The following HERC3 variants were observed in gnomAD, a reference collection of about 807,000 sequenced individuals.
HERC3 encodes HECT and RLD domain containing E3 ubiquitin protein ligase 3, also known as probable E3 ubiquitin-protein ligase HERC3.
In HERC3, 58 loss-of-function variants were observed where a neutral mutation model predicts 129.9. The ratio of observed to expected loss-of-function variants is 0.45; its 90% CI spans 0.36 to 0.56. The LOEUF (loss-of-function observed/expected upper bound fraction) is 0.56, where lower values mean the gene tolerates loss of function less well. Among genes scored for constraint, HERC3 ranks in the 20% least tolerant of loss-of-function variants. The pLI is 0.00. For missense variants in HERC3, 835 were observed against 1,244.2 expected (o/e 0.67, Z 4.95); for synonymous variants, 430 against 451.0 (o/e 0.95, Z 0.59).
chr4:88,570,120 T>A, the HERC3 span, among the ~76,000 whole-genome samples: 1 of 152,258 alleles, frequency 6.6e-6, no homozygotes, highest in Non-Finnish European at 1.5e-5. Flanking sequence ...GTTTCATTTT[T>A]CTTCAAGTCA....
intron 3 of HERC3, among the ~76,000 whole-genome samples, chr4:88,647,973 A>T (rs1258938021): frequency 2.0e-5 from 3 of 152,058 alleles, no homozygotes; most frequent in African/African-American, 7.2e-5. Context: ...TCACCACCAG[A>T]CACTCATCCT....
At chr4:88,605,520 G>A (rs1007453951) in intron 2 of HERC3, among the ~76,000 whole-genome samples, 5 of 152,172 alleles carry the variant, frequency 3.3e-5, no homozygotes, top group Non-Finnish European at 7.3e-5. Context: ...GTATCCTTTA[G>A]CAGTGATCTG....
the HERC3 span, among the ~76,000 whole-genome samples, chr4:88,536,455 A>G: frequency 6.6e-6 from 1 of 152,114 alleles, no homozygotes; most frequent in East Asian, 1.9e-4. Context: ...CTACCCCGAC[A>G]CATACTCACT....
intron 3 of HERC3, among the ~76,000 whole-genome samples, chr4:88,618,790 C>T (rs780200600): frequency 1.3e-5 from 2 of 152,206 alleles, no homozygotes; most frequent in African/African-American, 2.4e-5. Flanking sequence ...CTTACTGCCA[C>T]GCTTTTGTTA....
the HERC3 span, among the ~76,000 whole-genome samples, chr4:88,577,033 A>G: frequency 6.6e-6 from 1 of 152,054 alleles, no homozygotes; most frequent in African/African-American, 2.4e-5. Flanking sequence ...TCCTCTAAGG[A>G]GGAGGAGCTG....
the HERC3 span, among the ~76,000 whole-genome samples, chr4:88,531,702 T>C: frequency 6.6e-6 from 1 of 152,196 alleles, no homozygotes; most frequent in African/African-American, 2.4e-5. Flanking sequence ...TGAAATAGAC[T>C]CTGCCAGCTA....
intron 21 of HERC3, chr4:88,684,874 G>T (rs1385101116): frequency 2.0e-5 from 3 of 152,336 alleles, no homozygotes; most frequent in Non-Finnish European, 4.4e-5. Flanking sequence ...TCACGAATTT[G>T]CGTGTCATCC....
chr4:88,697,854 G>C (rs961426274), intron 23 of HERC3: 11 of 1,469,500 alleles, frequency 7.5e-6, no homozygotes, highest in Non-Finnish European at 1.0e-5. Context: ...TGGCGGTGAC[G>C]TGCGGCCGCG....
At chr4:88,581,743 C>T in the HERC3 span, among the ~76,000 whole-genome samples, 1 of 152,130 alleles carries the variant, frequency 6.6e-6, no homozygotes, top group Non-Finnish European at 1.5e-5. Context: ...TGAGCCACTG[C>T]CCCTGGCCTG....
chr4:88,685,448 G>A (rs778047168), intron 21 of HERC3, among the ~76,000 whole-genome samples: 32 of 152,262 alleles, frequency 2.1e-4, no homozygotes, highest in Non-Finnish European at 3.8e-4. Context: ...TCCTTTGCAG[G>A]GACATGGATG....
intron 9 of HERC3, chr4:88,656,519 G>A (rs1246790280): frequency 6.4e-6 from 1 of 156,742 alleles, no homozygotes; most frequent in African/African-American, 2.4e-5. Flanking sequence ...CAGAGCAAGA[G>A]CTCACTTATC....
chr4:88,611,861 A>G (rs1338484460), intron 3 of HERC3, among the ~76,000 whole-genome samples: 2 of 152,168 alleles, frequency 1.3e-5, no homozygotes, highest in Non-Finnish European at 2.9e-5. Flanking sequence ...AGGAGAATTT[A>G]TTTCATTGCC....
chr4:88,534,330 G>A, the HERC3 span, among the ~76,000 whole-genome samples: 1 of 152,214 alleles, frequency 6.6e-6, no homozygotes, highest in South Asian at 2.1e-4. Context: ...GGCCAGGGAT[G>A]CCACCAAGCA....
At chr4:88,593,421 G>A (rs6857847) in intron 1 of HERC3, 25,361 of 152,244 alleles carry the variant, frequency 0.17, 2,299 homozygotes, top group East Asian at 0.3. Context: ...CCTGAAACAG[G>A]TGAGCCTATG....
the HERC3 span, chr4:88,524,855 A>G: frequency 6.6e-6 from 1 of 151,454 alleles, no homozygotes; most frequent in Non-Finnish European, 1.5e-5. Context: ...TTTTTTTTGC[A>G]TCACTGGGCA....
At chr4:88,533,151 T>C in the HERC3 span, among the ~76,000 whole-genome samples, 9 of 152,316 alleles carry the variant, frequency 5.9e-5, no homozygotes, top group South Asian at 1.0e-3. Flanking sequence ...CTGAAGAATT[T>C]GGGGCCTGAT....
intron 23 of HERC3, chr4:88,697,902 C>T (rs1734832052): frequency 3.2e-6 from 3 of 935,206 alleles, no homozygotes; most frequent in East Asian, 2.6e-5. Flanking sequence ...CCTGCTTTCG[C>T]GGCACTTGAC....
At chr4:88,671,786 A>C (rs1175140500) in intron 16 of HERC3, among the ~76,000 whole-genome samples, 1 of 152,164 alleles carries the variant, frequency 6.6e-6, no homozygotes, top group East Asian at 1.9e-4. Context: ...GGCCTCCCAA[A>C]GTGCTGGGAT....
At chr4:88,592,828 C>G (rs757716629) in intron 1 of HERC3, among the ~76,000 whole-genome samples, 5 of 152,224 alleles carry the variant, frequency 3.3e-5, no homozygotes, top group African/African-American at 9.6e-5. Context: ...GCTCGCCCTC[C>G]GGTCAGAGAG....
Sources: gnomAD v4.1 joint callset for allele counts (sites outside exome capture counted in the v4.1 genomes callset) on GRCh38, gnomAD v4.1.1 for gene constraint, MANE v1.5 for transcripts, NCBI Gene and HGNC (gene_info 2026-07-23, HGNC 2026-07-21) for gene names.